BNIP2: variants seen among roughly 807,000 people sequenced by gnomAD.
The protein encoded by BNIP2 is BCL2/adenovirus E1B 19 kDa protein-interacting protein 2.
BNIP2 carries 36 observed loss-of-function variants against 43.4 expected under a neutral mutation model. That is an observed-to-expected ratio of 0.83 (90% CI 0.64 to 1.10). The LOEUF (loss-of-function observed/expected upper bound fraction) is 1.10. BNIP2 is among the 50% of genes least tolerant of loss of function. BNIP2 has a pLI of 0.00. For missense variants in BNIP2, 417 were observed against 374.1 expected, an observed-to-expected ratio of 1.11 and a Z score of -0.95; for synonymous variants, 146 against 121.0, an observed-to-expected ratio of 1.21 and a Z score of -1.35.
intron 4 of BNIP2, chr15:59,678,815 A>C: frequency 7.7e-7 from 1 of 1,303,328 alleles, no homozygotes; most frequent in Non-Finnish European, 1.0e-6. Context: ...GTTAACGGAA[A>C]ATATCCTTCC....
At chr15:59,668,510 GATT>G (rs1311858086) in intron 9 of BNIP2, among the ~76,000 whole-genome samples, 1 of 152,186 alleles carries the variant, frequency 6.6e-6, no homozygotes, top group Non-Finnish European at 1.5e-5. Context: ...TTAGCAATAT[GATT>G]ATTCAATAAT....
chr15:59,666,159 T>C (rs1426308795), intron 9 of BNIP2, among the ~76,000 whole-genome samples: 1 of 152,190 alleles, frequency 6.6e-6, no homozygotes, highest in Non-Finnish European at 1.5e-5. Context: ...TGCTATCCTT[T>C]TTCTGTCACT....
intron 1 of BNIP2, chr15:59,688,928 A>T (rs762342358): frequency 7.6e-6 from 11 of 1,454,338 alleles, no homozygotes; most frequent in Non-Finnish European, 9.9e-6. Context: ...TACAAACAGG[A>T]CCCAAGCCAA....
chr15:59,689,255 G>A lies in BNIP2; in HGVS notation c.-178C>T, dbSNP rs1461564996. ...CCCGCTCCCCTCGGTCGGCGGTGGA[G>A]ACCCCGGCCCAATCCCCCGGCCGCA... On this transcript the variant is annotated 5_prime_UTR_variant, in exon 1 of 10. Coordinates refer to ENST00000607373, the MANE Select transcript of BNIP2 (RefSeq NM_004330.4). 2 of 1,544,000 alleles carry A rather than the reference G, an allele frequency of 1.3e-6. No homozygotes were observed. The highest frequency in any genetic ancestry group is 2.0e-5 in the Admixed American group (1 of 50,944).
intron 1 of BNIP2, among the ~76,000 whole-genome samples, chr15:59,683,054 C>T (rs181553541): frequency 1.3e-5 from 2 of 152,278 alleles, no homozygotes; most frequent in South Asian, 2.1e-4. Flanking sequence ...TAACTTGTCC[C>T]GTAAATGAAT....
At chr15:59,685,346 A>G (rs972828287) in intron 1 of BNIP2, among the ~76,000 whole-genome samples, 5 of 151,626 alleles carry the variant, frequency 3.3e-5, no homozygotes, top group African/African-American at 9.8e-5. Flanking sequence ...CAAAAAATAC[A>G]AAAAATCAGC....
intron 1 of BNIP2, among the ~76,000 whole-genome samples, chr15:59,683,153 C>G (rs1893800752): frequency 6.6e-6 from 1 of 152,194 alleles, no homozygotes; most frequent in African/African-American, 2.4e-5. Flanking sequence ...TTGGTGAATG[C>G]CCTTTTATGC....
intron 4 of BNIP2, chr15:59,678,918 G>T: frequency 1.6e-6 from 2 of 1,218,294 alleles, no homozygotes; most frequent in Non-Finnish European, 2.1e-6. Context: ...GCTTACTACT[G>T]GACTGTTTAT....
chr15:59,671,659 C>T (rs904474483), intron 6 of BNIP2, among the ~76,000 whole-genome samples: 2 of 152,218 alleles, frequency 1.3e-5, no homozygotes, highest in Non-Finnish European at 2.9e-5. Flanking sequence ...TTCCACAATA[C>T]GGTTTTTAAA....
chr15:59,677,059 C>T (rs1893348024), intron 5 of BNIP2: 1 of 1,611,234 alleles, frequency 6.2e-7, no homozygotes, highest in Non-Finnish European at 8.5e-7. Flanking sequence ...CAGATGACTT[C>T]ATCTTATGCT....
intron 7 of BNIP2, among the ~76,000 whole-genome samples, chr15:59,670,045 T>C (rs1892804283): frequency 6.6e-6 from 1 of 152,174 alleles, no homozygotes; most frequent in South Asian, 2.1e-4. Context: ...GAAGATCACA[T>C]TCCTTCCATT....
chr15:59,671,937 G>A (rs564722171), intron 6 of BNIP2, among the ~76,000 whole-genome samples: 1 of 152,296 alleles, frequency 6.6e-6, no homozygotes, highest in South Asian at 2.1e-4. Context: ...TCAGCAGGAT[G>A]TGGTGACATG....
chr15:59,665,021 T>C (rs1182604899), intron 9 of BNIP2, among the ~76,000 whole-genome samples: 1 of 152,196 alleles, frequency 6.6e-6, no homozygotes, highest in Non-Finnish European at 1.5e-5. Flanking sequence ...ATCCCAGCAC[T>C]TTGGGAGGCC....
At position 59,677,954 on chromosome 15, in the gene BNIP2, A is replaced by G; in HGVS notation, c.429T>C (p.Asp143=). 1 of 1,613,650 alleles carries G rather than the reference A, an allele frequency of 6.2e-7. No individual in the cohort carries two copies. Among genetic ancestry groups the G allele is most frequent in the East Asian group, 2.2e-5 (1 of 44,876 alleles). ...TTTTATAGGGTTCAATTGCCTTCAT[A>G]TCAACCCTGTGGTCCTGTTCTCCAA... ...FRIGEQDHRV[D]MKAIEPYKKV... is the part of the protein sequence containing the mutation. Residue 143 remains aspartate, a synonymous_variant, in exon 5 of 10, where the codon GAT becomes GAC. Coordinates refer to ENST00000607373, the MANE Select transcript of BNIP2 (RefSeq NM_004330.4).
intron 5 of BNIP2, chr15:59,676,744 G>C (rs1425039777): frequency 1.5e-6 from 2 of 1,365,120 alleles, no homozygotes; most frequent in East Asian, 5.0e-5. Context: ...GCGGGCGGCA[G>C]AGTTGGGGTG....
At chr15:59,676,999 T>C (rs1444309577) in intron 5 of BNIP2, 2 of 1,613,224 alleles carry the variant, frequency 1.2e-6, no homozygotes, top group Admixed American at 1.7e-5. Flanking sequence ...GTTATCTCCA[T>C]TTTGTGAAGA....
intron 6 of BNIP2, 108 bp from the exon 7 acceptor site, chr15:59,671,422 G>A (rs1892905929): frequency 1.1e-6 from 1 of 940,990 alleles, no homozygotes; most frequent in Non-Finnish European, 1.5e-6. Flanking sequence ...TACAATGAGA[G>A]CAACAATGAA....
At chr15:59,679,102 A>G (rs987815098) in intron 4 of BNIP2, among the ~76,000 whole-genome samples, 2 of 152,226 alleles carry the variant, frequency 1.3e-5, no homozygotes, top group African/African-American at 4.8e-5. Context: ...CAATTTTGTA[A>G]TTAAAGAAAG....
chr15:59,673,333 C>A (rs748898115), intron 5 of BNIP2, among the ~76,000 whole-genome samples: 6 of 151,988 alleles, frequency 3.9e-5, no homozygotes, highest in Non-Finnish European at 5.9e-5. Flanking sequence ...CCAGACTGGT[C>A]TCGAACTCCT....
Sources: gnomAD v4.1 joint callset for allele counts (sites outside exome capture counted in the v4.1 genomes callset) on GRCh38, gnomAD v4.1.1 for gene constraint, MANE v1.5 for transcripts, NCBI Gene and HGNC (gene_info 2026-07-23, HGNC 2026-07-21) for gene names.